Variants in MDGA1 observed in about 807,000 individuals in gnomAD.
MDGA1 encodes MAM domain-containing glycosylphosphatidylinositol anchor protein 1.
A neutral mutation model predicts 101.5 loss-of-function variants in MDGA1; 54 were observed. The ratio of observed to expected loss-of-function variants is 0.53; its 90% CI spans 0.43 to 0.67. MDGA1 has a LOEUF of 0.67. Ranked by LOEUF, MDGA1 falls within the 30% of genes least tolerant of loss-of-function variation. MDGA1 has a pLI of 0.00. For synonymous variants in MDGA1, 533 were observed against 558.3 expected (o/e 0.95, Z 0.64); for missense variants, 1,083 against 1,323.8 (o/e 0.82, Z 2.82).
chr6:37,667,307 G>C (rs1561854674), intron 1 of MDGA1, among the ~76,000 whole-genome samples: 1 of 152,218 alleles, frequency 6.6e-6, no homozygotes, highest in Non-Finnish European at 1.5e-5. Context: ...ACAGAGGAAT[G>C]AACCTGGCTG....
At chr6:37,675,279 C>T (rs1350764137) in intron 1 of MDGA1, among the ~76,000 whole-genome samples, 1 of 152,144 alleles carries the variant, frequency 6.6e-6, no homozygotes, top group Admixed American at 6.5e-5. Context: ...CTCCTTTAGC[C>T]TCAGTTTCTT....
intron 1 of MDGA1, among the ~76,000 whole-genome samples, chr6:37,674,653 G>A (rs1044066140): frequency 6.6e-6 from 1 of 152,158 alleles, no homozygotes; most frequent in Non-Finnish European, 1.5e-5. Context: ...AGAACTAGAG[G>A]GTGTCTGGAC....
At chr6:37,669,339 G>A (rs1761822462) in intron 1 of MDGA1, among the ~76,000 whole-genome samples, 1 of 152,162 alleles carries the variant, frequency 6.6e-6, no homozygotes, top group Non-Finnish European at 1.5e-5. Flanking sequence ...GTCCTGGGAT[G>A]ATATTAACCA....
chr6:37,640,796 G>A (rs1181515039), intron 14 of MDGA1, among the ~76,000 whole-genome samples: 1 of 152,140 alleles, frequency 6.6e-6, no homozygotes, highest in African/African-American at 2.4e-5. Flanking sequence ...GAAATGGTAT[G>A]GGAATTGAGG....
At chr6:37,681,002 C>G (rs570911662) in intron 1 of MDGA1, among the ~76,000 whole-genome samples, 40,972 of 151,714 alleles carry the variant, frequency 0.27, 5,753 homozygotes, top group East Asian at 0.37. Flanking sequence ...CTCAGCCCCC[C>G]CCCCCCAGGA....
rs772524532 is a variant in MDGA1 at position 37,638,237 on chromosome 6, T to G, written c.2744A>C (p.Glu915Ala). 1.2e-6 allele frequency: 2 copies of G among 1,612,434 alleles called. No homozygotes were observed. The highest frequency in any genetic ancestry group is 2.2e-5 in the East Asian group (1 of 44,800). The change falls in exon 16 of 17, where the codon GAG (glutamate) becomes GCG (alanine). Residue 915 changes from glutamate (E) to alanine (A), a missense_variant. Coordinates refer to ENST00000434837, the MANE Select transcript of MDGA1 (RefSeq NM_153487.4). This position sits in a 1 kb window ranked among gnomAD's most constrained non-coding sequence, Gnocchi z 4.8. Reference sequence around the variant, plus strand: ...GGGATCCGTCTGCTTCCGGGGACACTCCCCCTTCTTCAGTGTGACGTCATC... The same window carrying G: ...GGGATCCGTCTGCTTCCGGGGACACGCCCCCTTCTTCAGTGTGACGTCATC... Reference protein sequence around the residue: ...AIDDVTLKKGECPRKQTDPNK... With the variant: ...AIDDVTLKKGACPRKQTDPNK...
At chr6:37,679,928 C>A (rs563639102) in intron 1 of MDGA1, among the ~76,000 whole-genome samples, 4 of 152,324 alleles carry the variant, frequency 2.6e-5, no homozygotes. Context: ...TGCTCCTATC[C>A]TTCAGGCCAC....
At position 37,685,627 on chromosome 6, in the gene MDGA1, T is replaced by A. The variant is rs9357251; in HGVS notation, c.67+11118A>T. Among the ~76,000 whole-genome samples the A allele has an allele frequency of 5.9e-5, 9 of 152,090 alleles. 1 individual carries two copies. The highest frequency in any genetic ancestry group is 2.1e-4 in the South Asian group (1 of 4,818). ...TCTGGAACCACAGAGCTCTTCTGCC[T>A]TCGGGGCTGAAAGGAGACACCTGCT... On this transcript the variant is annotated intron_variant, in intron 1 of 16. Coordinates refer to ENST00000434837, the MANE Select transcript of MDGA1 (RefSeq NM_153487.4).
chr6:37,662,643 A>AAAAAAAGAAAAAAG (rs572346506), intron 2 of MDGA1, among the ~76,000 whole-genome samples: 1 of 145,298 alleles, frequency 6.9e-6, no homozygotes, highest in South Asian at 2.2e-4. Flanking sequence ...TCAAAAAAAA[A>AAAAAAAGAAAAAAG]AAAACAAGGA....
chr6:37,678,060 A>G (rs2114084809), intron 1 of MDGA1, among the ~76,000 whole-genome samples: 1 of 152,324 alleles, frequency 6.6e-6, no homozygotes, highest in East Asian at 1.9e-4. Flanking sequence ...TTAAAGAACC[A>G]GGGAGCAGAA....
chr6:37,654,573 G>T, intron 5 of MDGA1, 30 bp from the exon 6 acceptor site: 2 of 1,613,884 alleles, frequency 1.2e-6, no homozygotes, highest in Non-Finnish European at 1.7e-6. Context: ...GGTCTTAGGG[G>T]ACTGTGAGGC....
chr6:37,661,320 T>C (rs984380389), intron 2 of MDGA1, among the ~76,000 whole-genome samples: 16 of 152,210 alleles, frequency 1.1e-4, no homozygotes, highest in African/African-American at 3.9e-4. Flanking sequence ...TCTGTCTGCA[T>C]TTCTGGCCCC....
intron 1 of MDGA1, among the ~76,000 whole-genome samples, chr6:37,694,019 A>C (rs1762366986): frequency 6.6e-6 from 1 of 152,192 alleles, no homozygotes. Flanking sequence ...CACACAGCCT[A>C]GGCCGAATGC....
chr6:37,675,544 G>A (rs1761960955), intron 1 of MDGA1, among the ~76,000 whole-genome samples: 1 of 152,170 alleles, frequency 6.6e-6, no homozygotes, highest in Non-Finnish European at 1.5e-5. Flanking sequence ...CCAGGAGTTT[G>A]TAATCCTGAG....
At chr6:37,694,456 G>T (rs560691936) in intron 1 of MDGA1, among the ~76,000 whole-genome samples, 18 of 152,312 alleles carry the variant, frequency 1.2e-4, no homozygotes, top group Admixed American at 3.3e-4. Context: ...GGCTGGAGTG[G>T]CCATCCCTGG....
At chr6:37,694,332 T>C (rs1762374077) in intron 1 of MDGA1, among the ~76,000 whole-genome samples, 1 of 152,214 alleles carries the variant, frequency 6.6e-6, no homozygotes, top group South Asian at 2.1e-4. Flanking sequence ...AGACTTCTCA[T>C]GGAGAAAGAA....
rs1004990523 is a variant in MDGA1 at position 37,643,751 on chromosome 6, A to G, written c.2536+58T>C. On this transcript the variant is annotated intron_variant, in intron 14 of 16. Coordinates refer to ENST00000434837, the MANE Select transcript of MDGA1 (RefSeq NM_153487.4). ...CAGCCCATCGCCTCCTGTGGACCCC[A>G]CTCCCCTCCCATCCTCCAGCACACA... 31 of 1,601,418 alleles carry G rather than the reference A, an allele frequency of 1.9e-5. No homozygotes were observed. In the Admixed American group the frequency reaches 3.7e-4, roughly 19 times the overall value.
chr6:37,690,035 A>C (rs908928169), intron 1 of MDGA1, among the ~76,000 whole-genome samples: 2 of 152,146 alleles, frequency 1.3e-5, no homozygotes, highest in African/African-American at 2.4e-5. Context: ...CAAGGCTCCA[A>C]ATGATTGGAC....
chr6:37,657,326 A>G (rs531014512), intron 3 of MDGA1, among the ~76,000 whole-genome samples: 1 of 152,276 alleles, frequency 6.6e-6, no homozygotes, highest in Admixed American at 6.5e-5. Context: ...ACACATTCCA[A>G]CATCTTGCAA....
Sources: allele counts gnomAD v4.1 joint callset (sites outside exome capture counted in the v4.1 genomes callset), GRCh38; gene constraint gnomAD v4.1.1; non-coding constraint Gnocchi (gnomAD v3.1); transcripts MANE v1.5; gene names NCBI Gene and HGNC (gene_info 2026-07-23, HGNC 2026-07-21).